RRAGD: variants seen among roughly 807,000 people sequenced by gnomAD.
RRAGD encodes the protein Ras related GTP binding D.
Under a neutral mutation model 35.5 loss-of-function variants are expected in RRAGD, and 12 were observed. That is an observed-to-expected ratio of 0.34 (90% CI 0.22 to 0.55). The LOEUF is 0.55. RRAGD is among the 20% of genes least tolerant of loss of function. The pLI, the probability that RRAGD is intolerant of heterozygous loss-of-function variation, is 0.91. For missense variants in RRAGD, 324 were observed against 490.1 expected, an observed-to-expected ratio of 0.66 and a Z score of 3.20; for synonymous variants, 155 against 178.9, an observed-to-expected ratio of 0.87 and a Z score of 1.07.
intron 1 of RRAGD, among the ~76,000 whole-genome samples, chr6:89,396,985 C>T (rs2127894814): frequency 6.6e-6 from 1 of 152,160 alleles, no homozygotes; most frequent in South Asian, 2.1e-4. Flanking sequence ...AAGTGATCCA[C>T]CCACCTCGGC....
intron 6 of RRAGD, among the ~76,000 whole-genome samples, chr6:89,369,495 C>T (rs1321821): frequency 0.46 from 69,648 of 151,974 alleles, 16,249 homozygotes; most frequent in South Asian, 0.5. Context: ...CACTCTGTCA[C>T]CCAGGTGGGA....
At chr6:89,384,542 C>T (rs1008503920) in intron 2 of RRAGD, among the ~76,000 whole-genome samples, 7 of 152,064 alleles carry the variant, frequency 4.6e-5, no homozygotes, top group Non-Finnish European at 7.4e-5. Flanking sequence ...TTAGGCCAGG[C>T]GTGGTGGCTC....
intron 2 of RRAGD, among the ~76,000 whole-genome samples, chr6:89,381,206 G>A (rs910873804): frequency 1.3e-5 from 2 of 152,140 alleles, no homozygotes; most frequent in Admixed American, 6.5e-5. Context: ...CTTTCATATT[G>A]TCTAAGGCTG....
chr6:89,405,078 C>A (rs956389938), intron 1 of RRAGD, among the ~76,000 whole-genome samples: 1 of 152,018 alleles, frequency 6.6e-6, no homozygotes, highest in Non-Finnish European at 1.5e-5. Flanking sequence ...TGGCCAGGCA[C>A]GGTGGCTCAC....
intron 1 of RRAGD, among the ~76,000 whole-genome samples, chr6:89,396,309 C>CAAGA (rs1437876889): frequency 2.6e-5 from 4 of 152,010 alleles, no homozygotes; most frequent in Non-Finnish European, 5.9e-5. Context: ...GTAATAAAGA[C>CAAGA]AAGACACAGA....
At chr6:89,380,116 A>ACT in intron 3 of RRAGD, 52 bp downstream of exon 3, 1 of 1,566,756 alleles carries the variant, frequency 6.4e-7, no homozygotes, top group South Asian at 1.1e-5. Flanking sequence ...CGAACCCCAA[A>ACT]CTTGCTTTCT....
At chr6:89,387,172 C>T (rs1450228047) in intron 2 of RRAGD, 123 bp downstream of exon 2, 2 of 1,004,958 alleles carry the variant, frequency 2.0e-6, no homozygotes, top group East Asian at 2.4e-5. Context: ...TCTGAGAGCC[C>T]TGACCAAGAA....
chr6:89,400,903 A>C (rs1394762906), intron 1 of RRAGD, among the ~76,000 whole-genome samples: 1 of 152,188 alleles, frequency 6.6e-6, no homozygotes, highest in Non-Finnish European at 1.5e-5. Context: ...TGCTGTAGTG[A>C]GATGAAATGT....
intron 1 of RRAGD, among the ~76,000 whole-genome samples, chr6:89,405,032 A>G (rs938235897): frequency 1.3e-5 from 2 of 152,162 alleles, no homozygotes; most frequent in African/African-American, 4.8e-5. Context: ...AAAACAGGAA[A>G]ATAAACTATT....
At position 89,412,231 on chromosome 6, in the gene RRAGD, G is replaced by A. The variant is rs854922; in HGVS notation, c.-238C>T. The A allele has an allele frequency of 0.07, 19,547 of 277,728 alleles. 847 individuals are homozygous for A. The highest frequency in any genetic ancestry group is 0.09 in the Non-Finnish European group (13,689 of 152,684). The allele number at this position is 277,728 out of a possible 1,614,324, so 17.2% of individuals were successfully genotyped here. A position where few individuals can be genotyped will look rare whatever the true frequency, so the allele number is the denominator to read the frequency against. ...CGCCCGCCGGCGGAGGAGTCAGCCG[G>A]AGCGCGGCAGTTCCTCCCGGAGGAG... is the stretch of plus-strand genomic sequence containing the variant. On this transcript the variant is annotated 5_prime_UTR_variant, in exon 1 of 7. Coordinates refer to ENST00000369415, the MANE Select transcript of RRAGD (RefSeq NM_021244.5). This position sits in a 1 kb window ranked among gnomAD's most constrained non-coding sequence, Gnocchi z 4.2.
At chr6:89,394,985 G>A (rs1175973674) in intron 1 of RRAGD, among the ~76,000 whole-genome samples, 1 of 152,170 alleles carries the variant, frequency 6.6e-6, no homozygotes, top group Non-Finnish European at 1.5e-5. Context: ...GGCCAGGCCT[G>A]GTGGTGCACA....
chr6:89,368,200 A>T lies in RRAGD; in HGVS notation c.1059T>A (p.Ile353=). Reference sequence around the variant, plus strand: ...TCCGGAAGCAATGAAAATTATAGTCAATTAGCCCTGGAGAAGAGAACAAAA... The same window carrying T: ...TCCGGAAGCAATGAAAATTATAGTCTATTAGCCCTGGAGAAGAGAACAAAA... ...REESFERKGL[I]DYNFHCFRKA... Residue 353 remains isoleucine (I), a synonymous_variant, in exon 7 of 7, where the codon ATT becomes ATA. Transcript: ENST00000369415. 1 of 1,612,170 alleles carries T rather than the reference A, an allele frequency of 6.2e-7. No individual in the cohort carries two copies. The highest frequency in any genetic ancestry group is 8.5e-7 in the Non-Finnish European group (1 of 1,179,452).
chr6:89,373,358 C>T (rs905489091), intron 5 of RRAGD, among the ~76,000 whole-genome samples: 1 of 152,110 alleles, frequency 6.6e-6, no homozygotes, highest in African/African-American at 2.4e-5. Context: ...CAGTGGCTCA[C>T]GCCTGTAATC....
chr6:89,401,711 G>A (rs549606741), intron 1 of RRAGD, among the ~76,000 whole-genome samples: 5 of 152,188 alleles, frequency 3.3e-5, no homozygotes, highest in African/African-American at 9.6e-5. Context: ...CCATCTAGAA[G>A]ACCTCCTTCT....
chr6:89,379,397 A>C, intron 3 of RRAGD, 59 bp from the exon 4 acceptor site: 2 of 849,010 alleles, frequency 2.4e-6, no homozygotes, highest in Non-Finnish European at 3.8e-6. Flanking sequence ...CAGGCTGCTT[A>C]GGCTATGTCA....
intron 1 of RRAGD, among the ~76,000 whole-genome samples, chr6:89,400,646 C>A (rs1319892335): frequency 6.6e-6 from 1 of 151,656 alleles, no homozygotes; most frequent in Non-Finnish European, 1.5e-5. Flanking sequence ...CCCAAAGGGT[C>A]TCACTCTACA....
In RRAGD at chr6:89,412,042, G is replaced by A; in HGVS notation, c.-49C>T. On this transcript the variant is annotated 5_prime_UTR_variant, in exon 1 of 7. Transcript: ENST00000369415. The surrounding 1 kb of genome is among the most constrained non-coding windows in gnomAD (Gnocchi z 4.2). ...GGGGACGGCGGGGGTCCCGGGGTGG[G>A]GGCCAAGCCTCCTAGCCGGCCGCCC... 2.7e-6 allele frequency: 4 copies of A among 1,497,844 alleles called. No individual in the cohort carries two copies. The highest frequency in any genetic ancestry group is 3.5e-6 in the Non-Finnish European group (4 of 1,127,252). The allele number at this position is 1,497,844 out of a possible 1,614,324, so 92.8% of individuals were successfully genotyped here.
chr6:89,396,114 A>G (rs1205628489), intron 1 of RRAGD, among the ~76,000 whole-genome samples: 2 of 152,178 alleles, frequency 1.3e-5, no homozygotes, highest in East Asian at 1.9e-4. Context: ...TCCCCCAAAA[A>G]TTGGTAAACT....
chr6:89,407,908 A>C lies in RRAGD; in HGVS notation c.148+3938T>G, dbSNP rs555533471. On this transcript the variant is annotated intron_variant, in intron 1 of 6. Coordinates refer to ENST00000369415, the MANE Select transcript of RRAGD (RefSeq NM_021244.5). ...TATTAAAATGGAAGAGATCGCTAAT[A>C]AAAGTAGAGAGTCAGTACTCTCTGA... Among the ~76,000 whole-genome samples the C allele has an allele frequency of 2.6e-5, 4 of 152,244 alleles. No individual in the cohort carries two copies. The East Asian group carries it at 7.7e-4, about 29-fold the overall frequency.
Sources: allele counts gnomAD v4.1 joint callset (sites outside exome capture counted in the v4.1 genomes callset), GRCh38; gene constraint gnomAD v4.1.1; non-coding constraint Gnocchi (gnomAD v3.1); transcripts MANE v1.5; gene names NCBI Gene and HGNC (gene_info 2026-07-23, HGNC 2026-07-21).